DCN: variants seen among roughly 807,000 people sequenced by gnomAD.
DCN encodes the protein bone proteoglycan II.
DCN carries 17 observed loss-of-function variants against 36.5 expected under a neutral mutation model. The ratio of observed to expected loss-of-function variants is 0.47; its 90% CI spans 0.32 to 0.70. DCN has a LOEUF of 0.70. Ranked by LOEUF, DCN falls within the 30% of genes least tolerant of loss-of-function variation. The pLI, the probability that DCN is intolerant of heterozygous loss-of-function variation, is 0.04. For synonymous variants in DCN, 163 were observed against 161.4 expected (o/e 1.01, Z -0.07); for missense variants, 389 against 430.1 (o/e 0.90, Z 0.84).
intron 7 of DCN, among the ~76,000 whole-genome samples, chr12:91,149,116 C>T (rs79820528): frequency 0.017 from 2,544 of 151,822 alleles, 42 homozygotes; most frequent in Admixed American, 0.03. Context: ...TTTTCTAAGA[C>T]CAAAGCCAGA....
intron 3 of DCN, among the ~76,000 whole-genome samples, chr12:91,162,428 G>C (rs1882222163): frequency 6.6e-6 from 1 of 151,988 alleles, no homozygotes; most frequent in South Asian, 2.1e-4. Flanking sequence ...ATTATGACCA[G>C]TTTATTCTAT....
chr12:91,179,881 A>G (rs1361327677), intron 1 of DCN: 1 of 152,186 alleles, frequency 6.6e-6, no homozygotes, highest in Admixed American at 6.6e-5. Context: ...TGATGTATAT[A>G]TGATCTCATT....
intron 7 of DCN, among the ~76,000 whole-genome samples, chr12:91,148,928 CTTG>C (rs1454784740): frequency 6.6e-6 from 1 of 151,986 alleles, no homozygotes; most frequent in Non-Finnish European, 1.5e-5. Context: ...TTGGAAGTTT[CTTG>C]TTGTCATTTA....
At chr12:91,164,079 T>G (rs1310205816) in intron 3 of DCN, among the ~76,000 whole-genome samples, 1 of 152,142 alleles carries the variant, frequency 6.6e-6, no homozygotes, top group East Asian at 1.9e-4. Flanking sequence ...GATGCTTTGC[T>G]TCCCTACCAC....
chr12:91,178,282 G>A, intron 2 of DCN, 60 bp downstream of exon 2: 1 of 1,427,378 alleles, frequency 7.0e-7, no homozygotes, highest in Admixed American at 1.7e-5. Context: ...AACTCTCAGA[G>A]TTGCCATTCC....
chr12:91,147,498 T>C (rs186750898), intron 7 of DCN, among the ~76,000 whole-genome samples: 1 of 152,364 alleles, frequency 6.6e-6, no homozygotes, highest in African/African-American at 2.4e-5. Flanking sequence ...ATGGTTCTGC[T>C]TGTTTATGGC....
At chr12:91,150,219 A>T (rs1292511441) in intron 7 of DCN, among the ~76,000 whole-genome samples, 1 of 152,216 alleles carries the variant, frequency 6.6e-6, no homozygotes, top group Middle Eastern at 3.2e-3. Context: ...ATATAGATAA[A>T]TGTAATAGAA....
chr12:91,149,568 T>A (rs1592679191), intron 7 of DCN, among the ~76,000 whole-genome samples: 1 of 152,186 alleles, frequency 6.6e-6, no homozygotes, highest in Non-Finnish European at 1.5e-5. Context: ...ATCACCTTTG[T>A]TCAACATTGC....
chr12:91,156,188 T>G (rs113009730), intron 5 of DCN, among the ~76,000 whole-genome samples: 20 of 152,164 alleles, frequency 1.3e-4, no homozygotes, highest in Non-Finnish European at 2.4e-4. Flanking sequence ...CTTGGAACAA[T>G]GAACTTACCC....
At chr12:91,153,026 A>G (rs771791169) in intron 6 of DCN, 70 bp downstream of exon 6, 2 of 853,210 alleles carry the variant, frequency 2.3e-6, no homozygotes, top group Non-Finnish European at 4.1e-6. Context: ...CATGTTTATA[A>G]TTCTTATCAT....
rs1412584064 is a variant in DCN at position 91,141,282 on chromosome 12, A to ACTCTGCTCACGTTTGTCCT, written c.*4757_*4775dup. On this transcript the variant is annotated 3_prime_UTR_variant, in exon 8 of 8. Coordinates refer to ENST00000052754, the MANE Select transcript of DCN (RefSeq NM_001920.5). Reference sequence around the variant, plus strand: ...TATATTATCTCTTCTTGCTCACTTTACTCTGCTCACGTTTGTCCTCTCTGC... The same window carrying ACTCTGCTCACGTTTGTCCT: ...TATATTATCTCTTCTTGCTCACTTTACTCTGCTCACGTTTGTCCTCTCTGCTCACGTTTGTCCTCTCTGC... 4.0e-5 allele frequency: 6 copies of ACTCTGCTCACGTTTGTCCT among 151,676 alleles called. No individual in the cohort carries two copies. 9.4% of individuals were successfully genotyped at this position (151,676 alleles called of 1,614,324 possible). A position where few individuals can be genotyped will look rare whatever the true frequency, so the allele number is the denominator to read the frequency against.
chr12:91,165,957 A>T (rs1166302702), intron 2 of DCN, among the ~76,000 whole-genome samples: 1 of 152,190 alleles, frequency 6.6e-6, no homozygotes, highest in African/African-American at 2.4e-5. Context: ...ACAACAGGGT[A>T]TAATAACCGC....
In DCN at chr12:91,146,097, G is replaced by A. The variant is rs1423078529; in HGVS notation, c.1041C>T (p.Val347=). The change falls in exon 8 of 8, where the codon GTC becomes GTT. Residue 347 remains valine (V), a synonymous_variant. Transcript: ENST00000052754. The part of the protein sequence containing the change: ...WEIQPSTFRC[V]YVRSAIQLGN... ...CGAGTTGAATGGCAGAGCGCACGTA[G>A]ACACATCTGAAGGTGGATGGCTGTA... The A allele has an allele frequency of 6.2e-7, 1 of 1,613,882 alleles. No individual in the cohort carries two copies. The highest frequency in any genetic ancestry group is 1.3e-5 in the African/African-American group (1 of 74,886).
rs34042357 is a variant in DCN at position 91,161,943 on chromosome 12, AT to A, written c.324+2661del. ...GATCATGGCACTGTTTTATCTACCAATTTTTTTTTTTTTTTGAGATGGAGTC... is the reference window on the plus strand; with the variant it reads ...GATCATGGCACTGTTTTATCTACCAATTTTTTTTTTTTTTGAGATGGAGTC... On this transcript the variant is annotated intron_variant, in intron 3 of 7. Coordinates refer to ENST00000052754, the MANE Select transcript of DCN (RefSeq NM_001920.5). Among the ~76,000 whole-genome samples, 916 of 142,860 alleles carry A rather than the reference AT, an allele frequency of 6.4e-3. 8 individuals are homozygous for A. The highest frequency in any genetic ancestry group is 0.017 in the African/African-American group (667 of 38,936). 93.7% of individuals were successfully genotyped at this position (142,860 alleles called of 152,430 possible).
intron 5 of DCN, 47 bp from the exon 6 acceptor site, chr12:91,153,236 A>G: frequency 9.5e-7 from 1 of 1,052,672 alleles, no homozygotes; most frequent in Non-Finnish European, 1.5e-6. Flanking sequence ...AAACATTATA[A>G]GTACAGAATG....
chr12:91,146,179 T>C lies in DCN; in HGVS notation c.959A>G (p.Lys320Arg), dbSNP rs536127757. Residue 320 changes from lysine to arginine, a missense_variant, in exon 8 of 8, where the codon AAA (lysine) becomes AGA (arginine). Coordinates refer to ENST00000052754, the MANE Select transcript of DCN (RefSeq NM_001920.5). ...SDFCPPGHNT[K>R]KASYSGVSLF... is the part of the protein sequence containing the mutation. Reference sequence around the variant, plus strand: ...ACTCACACCCGAATAAGAAGCCTTTTTGGTGTTGTGTCCAGGTGGGCAGAA... The same window carrying C: ...ACTCACACCCGAATAAGAAGCCTTTCTGGTGTTGTGTCCAGGTGGGCAGAA... 64 of 1,613,788 alleles carry C rather than the reference T, an allele frequency of 4.0e-5. No homozygotes were observed. Among genetic ancestry groups the C allele is most frequent in the South Asian group, 3.3e-4 (30 of 91,030 alleles).
At chr12:91,151,213 A>C in intron 7 of DCN, 1 of 200,872 alleles carries the variant, frequency 5.0e-6, no homozygotes, top group South Asian at 8.2e-5. Context: ...TTTTAGAGGA[A>C]ATAAAGAAAA....
rs1302997040 is a variant in DCN at position 91,144,121 on chromosome 12, G to T, written c.*1937C>A. On this transcript the variant is annotated 3_prime_UTR_variant, in exon 8 of 8. Transcript: ENST00000052754. ...TGCAGGCTTTTCCCCATAAGAGAAA[G>T]GCTGCAGCATAAAGGGTATATCATT... is the stretch of plus-strand genomic sequence containing the variant. The T allele has an allele frequency of 6.6e-6, 1 of 152,068 alleles. No individual in the cohort carries two copies. Among genetic ancestry groups the T allele is most frequent in the East Asian group, 1.9e-4 (1 of 5,194 alleles). 9.4% of individuals were successfully genotyped at this position (152,068 alleles called of 1,614,324 possible). A position where few individuals can be genotyped will look rare whatever the true frequency, so the allele number is the denominator to read the frequency against.
chr12:91,162,002 G>T (rs1004252946), intron 3 of DCN, among the ~76,000 whole-genome samples: 19 of 150,920 alleles, frequency 1.3e-4, no homozygotes, highest in Admixed American at 7.3e-4. Flanking sequence ...GTGCAGTGGC[G>T]TGATCTCGAC....
Sources: allele counts gnomAD v4.1 joint callset (sites outside exome capture counted in the v4.1 genomes callset), GRCh38; gene constraint gnomAD v4.1.1; transcripts MANE v1.5; gene names NCBI Gene and HGNC (gene_info 2026-07-23, HGNC 2026-07-21).